Variants in RTL4 observed in about 807,000 individuals in gnomAD.
The protein encoded by RTL4 is retrotransposon Gag-like protein 4.
Under a neutral mutation model 5.3 loss-of-function variants are expected in RTL4, and 4 were observed. The ratio of observed to expected loss-of-function variants is 0.75; its 90% CI spans 0.37 to 1.72. The LOEUF (loss-of-function observed/expected upper bound fraction) is 1.72. Among genes scored for constraint, RTL4 ranks in the 40% most tolerant of loss-of-function variants. RTL4 has a pLI of 0.04. For synonymous variants in RTL4, 98 were observed against 87.3 expected (o/e 1.12, Z -0.68); for missense variants, 260 against 227.1 (o/e 1.14, Z -0.93).
chrX:112,172,660 T>C, the RTL4 span, among the ~76,000 whole-genome samples: 1 of 111,249 alleles, frequency 9.0e-6, no homozygotes, highest in Non-Finnish European at 1.9e-5. Flanking sequence ...TTCCTGGGTA[T>C]AGACCCCAAG....
At chrX:112,179,469 T>A in the RTL4 span, among the ~76,000 whole-genome samples, 46 of 111,851 alleles carry the variant, frequency 4.1e-4, no homozygotes, top group East Asian at 0.011. Flanking sequence ...GTTGGGTCGG[T>A]TCACCAAGCC....
the RTL4 span, among the ~76,000 whole-genome samples, chrX:112,321,709 C>T: frequency 1.8e-5 from 2 of 111,401 alleles, no homozygotes; most frequent in East Asian, 5.6e-4. Flanking sequence ...CCCTATGAAG[C>T]GAGGATGATG....
the RTL4 span, among the ~76,000 whole-genome samples, chrX:112,266,215 T>A: frequency 1.8e-5 from 2 of 111,186 alleles, no homozygotes; most frequent in East Asian, 2.8e-4. Context: ...AAAAATGGCA[T>A]TTCAAAGGCA....
At chrX:112,097,577 A>G in the RTL4 span, among the ~76,000 whole-genome samples, 271 of 111,732 alleles carry the variant, frequency 2.4e-3, 3 homozygotes, top group African/African-American at 8.3e-3. Context: ...TAGAGGTTGC[A>G]ATAAGCTGAG....
the RTL4 span, among the ~76,000 whole-genome samples, chrX:112,364,591 G>A: frequency 0.02 from 2,189 of 110,816 alleles, 46 homozygotes; most frequent in African/African-American, 0.066. Context: ...GGGAGTGCAG[G>A]CAGTAAAGAT....
chrX:112,339,027 G>C, the RTL4 span, among the ~76,000 whole-genome samples: 1 of 110,997 alleles, frequency 9.0e-6, no homozygotes, highest in East Asian at 2.8e-4. Context: ...TAAATATACA[G>C]GTACAAAATG....
the RTL4 span, among the ~76,000 whole-genome samples, chrX:112,296,471 C>T: frequency 5.4e-5 from 6 of 111,352 alleles, no homozygotes; most frequent in Non-Finnish European, 1.1e-4. Context: ...TTCCTACACC[C>T]ACACACATCC....
the RTL4 span, among the ~76,000 whole-genome samples, chrX:112,137,029 A>G: frequency 1.8e-5 from 2 of 111,856 alleles, no homozygotes; most frequent in African/African-American, 6.5e-5. Context: ...TCAAACTAAA[A>G]TGCTCTGCAC....
At chrX:112,267,582 T>A in the RTL4 span, among the ~76,000 whole-genome samples, 1 of 111,785 alleles carries the variant, frequency 8.9e-6, no homozygotes, top group Non-Finnish European at 1.9e-5. Flanking sequence ...GTTTTGAATA[T>A]TAACTATATA....
At chrX:112,265,931 C>T in the RTL4 span, among the ~76,000 whole-genome samples, 1 of 110,421 alleles carries the variant, frequency 9.1e-6, no homozygotes, top group Non-Finnish European at 1.9e-5. Context: ...CCCCACAGGC[C>T]CCTCACAGTC....
At chrX:112,317,937 A>G in the RTL4 span, among the ~76,000 whole-genome samples, 6 of 112,063 alleles carry the variant, frequency 5.4e-5, no homozygotes, top group African/African-American at 1.9e-4. Flanking sequence ...TGTTGCTTCA[A>G]CAATGACATA....
chrX:112,330,409 G>A, the RTL4 span, among the ~76,000 whole-genome samples: 1 of 106,469 alleles, frequency 9.4e-6, no homozygotes, highest in Non-Finnish European at 1.9e-5. Flanking sequence ...ATTCACAATT[G>A]CTTCAAAGAG....
At chrX:112,436,847 T>C in the RTL4 span, among the ~76,000 whole-genome samples, 1 of 111,299 alleles carries the variant, frequency 9.0e-6, no homozygotes, top group Admixed American at 9.6e-5. Flanking sequence ...GAGGAGTTCC[T>C]TACCAACCAG....
At chrX:112,309,475 A>T in the RTL4 span, among the ~76,000 whole-genome samples, 4 of 110,635 alleles carry the variant, frequency 3.6e-5, no homozygotes, top group Non-Finnish European at 7.6e-5. Context: ...ATCTAATAGA[A>T]TGGACTATGA....
At chrX:112,084,731 C>T in the RTL4 span, among the ~76,000 whole-genome samples, 1 of 111,031 alleles carries the variant, frequency 9.0e-6, no homozygotes, top group Non-Finnish European at 1.9e-5. Context: ...CACTCCAAGC[C>T]CAGATGCAAC....
the RTL4 span, among the ~76,000 whole-genome samples, chrX:112,347,401 TGA>T: frequency 2.7e-5 from 3 of 111,571 alleles, no homozygotes; most frequent in African/African-American, 9.8e-5. Context: ...CAACTTGAAC[TGA>T]GTTTTGAAAG....
chrX:112,199,220 T>C, the RTL4 span, among the ~76,000 whole-genome samples: 27,932 of 98,138 alleles, frequency 0.28, 3,832 homozygotes, highest in African/African-American at 0.52. Flanking sequence ...ACCCAGGAGG[T>C]GGAGCTTGCA....
the RTL4 span, among the ~76,000 whole-genome samples, chrX:112,098,420 A>G: frequency 1.8e-5 from 2 of 111,545 alleles, no homozygotes; most frequent in South Asian, 7.6e-4. Context: ...CAATAAACAT[A>G]CGTGTGCATG....
At chrX:112,181,248 G>A in the RTL4 span, among the ~76,000 whole-genome samples, 1 of 111,561 alleles carries the variant, frequency 9.0e-6, no homozygotes, top group African/African-American at 3.3e-5. Flanking sequence ...CACAGAACTG[G>A]GTGGCCATTT....
Sources: allele counts gnomAD v4.1 joint callset (sites outside exome capture counted in the v4.1 genomes callset), GRCh38; gene constraint gnomAD v4.1.1; transcripts MANE v1.5; gene names NCBI Gene and HGNC (gene_info 2026-07-23, HGNC 2026-07-21).